The following TRAK1 variants were observed in gnomAD, a reference collection of about 807,000 sequenced individuals.
The protein encoded by TRAK1 is trafficking kinesin protein 1, also known as trafficking kinesin-binding protein 1.
Under a neutral mutation model 92.1 loss-of-function variants are expected in TRAK1, and 33 were observed. That is an observed-to-expected ratio of 0.36 (90% CI 0.27 to 0.48). The LOEUF is 0.48. Among genes scored for constraint, TRAK1 ranks in the 20% least tolerant of loss-of-function variants. The pLI is 0.99. For missense variants in TRAK1, 1,123 were observed against 1,257.9 expected (o/e 0.89, Z 1.62); for synonymous variants, 521 against 517.3 (o/e 1.01, Z -0.10).
At chr3:42,027,644 T>A (rs1236959574) in intron 1 of TRAK1, among the ~76,000 whole-genome samples, 2 of 152,186 alleles carry the variant, frequency 1.3e-5, no homozygotes, top group Non-Finnish European at 2.9e-5. Flanking sequence ...AAATATTTTT[T>A]AAAAAGCCCC....
chr3:42,088,625 G>T (rs913534776), upstream of TRAK1, among the ~76,000 whole-genome samples: 2 of 152,132 alleles, frequency 1.3e-5, no homozygotes, highest in Non-Finnish European at 2.9e-5. Context: ...TGTTCTCTCT[G>T]GAGTCCACTG....
chr3:42,205,409 C>T (rs976499610), intron 13 of TRAK1, among the ~76,000 whole-genome samples: 1 of 152,158 alleles, frequency 6.6e-6, no homozygotes, highest in East Asian at 1.9e-4. Context: ...CCATCTGGCT[C>T]CGTTACCTGT....
chr3:42,171,466 G>T (rs547249513), intron 2 of TRAK1, among the ~76,000 whole-genome samples: 26 of 152,178 alleles, frequency 1.7e-4, no homozygotes, highest in Non-Finnish European at 3.4e-4. Context: ...ACACCATAGA[G>T]ACACAGGGTC....
intron 1 of TRAK1, among the ~76,000 whole-genome samples, chr3:42,102,647 C>T (rs550797770): frequency 1.3e-5 from 2 of 152,252 alleles, no homozygotes; most frequent in South Asian, 2.1e-4. Flanking sequence ...GGGCTGTGTT[C>T]CCTATTTGTA....
intron 2 of TRAK1, among the ~76,000 whole-genome samples, chr3:42,151,875 T>A (rs1348997577): frequency 1.3e-5 from 2 of 152,208 alleles, no homozygotes; most frequent in Non-Finnish European, 2.9e-5. Context: ...GAATCGTCAA[T>A]GAGGGAAGCT....
chr3:42,030,672 C>CAA lies in TRAK1; in HGVS notation c.-519+16569_-519+16570dup, dbSNP rs1322619455. ...TGGGTGACAGAGGGAGACTCCATCT[C>CAA]AAAAAAAAAAAAAAAGAATATATAT... On this transcript the variant is annotated intron_variant, in intron 1 of 16. Transcript: ENST00000487159. Among the ~76,000 whole-genome samples the CAA allele has an allele frequency of 2.2e-3, 90 of 40,396 alleles. 3 individuals carry two copies. The highest frequency in any genetic ancestry group is 2.7e-3 in the African/African-American group (24 of 8,892). The allele number at this position is 40,396 out of a possible 152,430, so 26.5% of individuals were successfully genotyped here.
At chr3:42,075,992 C>A (rs2133070) in intron 1 of TRAK1, among the ~76,000 whole-genome samples, 78,764 of 150,958 alleles carry the variant, frequency 0.52, 21,230 homozygotes, top group South Asian at 0.68. Context: ...ACAGGTGCCC[C>A]TCACCACACC....
intron 1 of TRAK1, among the ~76,000 whole-genome samples, chr3:42,080,701 A>G (rs186097129): frequency 1.3e-4 from 20 of 151,620 alleles, no homozygotes; most frequent in Admixed American, 1.0e-3. Context: ...CCTTGGGGAA[A>G]GATTGTCACC....
chr3:42,060,793 G>A (rs1703402230), intron 1 of TRAK1, among the ~76,000 whole-genome samples: 1 of 140,762 alleles, frequency 7.1e-6, no homozygotes, highest in Non-Finnish European at 1.5e-5. Context: ...ACTCCTGGCT[G>A]ATTTTTTTTA....
At chr3:42,124,656 C>T (rs1710327339) in intron 1 of TRAK1, among the ~76,000 whole-genome samples, 1 of 152,210 alleles carries the variant, frequency 6.6e-6, no homozygotes, top group Non-Finnish European at 1.5e-5. Context: ...AGTTTGCCCT[C>T]TCCCAACAAG....
At chr3:42,160,150 C>A (rs1701081366) in intron 2 of TRAK1, 1 of 1,309,734 alleles carries the variant, frequency 7.6e-7, no homozygotes, top group African/African-American at 1.5e-5. Flanking sequence ...TAGGAGCCAC[C>A]CCCTTCCGGG....
In TRAK1 at chr3:42,206,830, C is replaced by G. The variant is rs533296210; in HGVS notation, c.1745-2937C>G. Among the ~76,000 whole-genome samples, 26 of 152,292 alleles carry G rather than the reference C, an allele frequency of 1.7e-4. 1 individual carries two copies. Among genetic ancestry groups the G allele is most frequent in the Admixed American group, 5.2e-4 (8 of 15,300 alleles). On this transcript the variant is annotated intron_variant, in intron 13 of 15. Transcript: ENST00000327628. ...TGCATTTCTGTGGCATCCTTAACTC[C>G]AAACAGCAGACCCTTTGTAGCCTCA...
In TRAK1 at chr3:42,201,883, GACACACACAC is replaced by G. The variant is rs56336064; in HGVS notation, c.1428-514_1428-505del. On this transcript the variant is annotated intron_variant, in intron 12 of 15. Transcript: ENST00000327628. The stretch of plus-strand genomic sequence containing the variant: ...GGACGGACGGACGGACGGACAGACG[GACACACACAC>G]ACACACACACACACACACACACACA... 4.0e-3 allele frequency among the ~76,000 whole-genome samples: 498 copies of G among 125,174 alleles called. 6 individuals are homozygous for G. The highest frequency in any genetic ancestry group is 0.013 in the African/African-American group (412 of 32,392). 82.1% of individuals were successfully genotyped at this position (125,174 alleles called of 152,430 possible).
intron 1 of TRAK1, among the ~76,000 whole-genome samples, chr3:42,022,832 T>C (rs1701770218): frequency 6.6e-6 from 1 of 151,714 alleles, no homozygotes; most frequent in Admixed American, 6.6e-5. Context: ...GATGGTATAG[T>C]AGAAGTGATA....
Position 42,203,440 on chromosome 3 carries a change from T to C in TRAK1, c.1744+688T>C, listed in dbSNP as rs536858211. 20 of 984,974 alleles carry C rather than the reference T, an allele frequency of 2.0e-5. No individual in the cohort carries two copies. The South Asian group carries it at 4.2e-4, about 21-fold the overall frequency. The allele number at this position is 984,974 out of a possible 1,614,324, so 61.0% of individuals were successfully genotyped here. On this transcript the variant is annotated intron_variant, in intron 13 of 15. Transcript: ENST00000327628. ...TAGTATCAGGGGCATCTCAGATGAT[T>C]AAACTCATGGGAAAAACTTCCTCCT...
chr3:42,208,507 T>C (rs1293167366), intron 13 of TRAK1, among the ~76,000 whole-genome samples: 1 of 152,202 alleles, frequency 6.6e-6, no homozygotes, highest in Non-Finnish European at 1.5e-5. Context: ...TCTTTTGTCT[T>C]GACTTCCTGA....
chr3:42,014,691 G>C (rs1004715669), intron 1 of TRAK1, among the ~76,000 whole-genome samples: 3 of 152,192 alleles, frequency 2.0e-5, no homozygotes, highest in Non-Finnish European at 4.4e-5. Context: ...GGCTGGTGCT[G>C]GGTGCCCCTT....
chr3:42,177,559 T>C (rs1227167912), intron 3 of TRAK1, among the ~76,000 whole-genome samples: 1 of 152,228 alleles, frequency 6.6e-6, no homozygotes, highest in Non-Finnish European at 1.5e-5. Flanking sequence ...GAATCAGGCC[T>C]TAAATGGACA....
chr3:42,014,217 G>C (rs769034462), intron 1 of TRAK1: 308 of 152,484 alleles, frequency 2.0e-3, no homozygotes, highest in Non-Finnish European at 3.5e-3. Flanking sequence ...GATAGTGGCG[G>C]CGTGAGAGGC....
Sources: allele counts gnomAD v4.1 joint callset (sites outside exome capture counted in the v4.1 genomes callset), GRCh38; gene constraint gnomAD v4.1.1; transcripts MANE v1.5; gene names NCBI Gene and HGNC (gene_info 2026-07-23, HGNC 2026-07-21).